Variants in CDH13 observed in about 807,000 individuals in gnomAD.
The protein encoded by CDH13 is cadherin-13.
Under a neutral mutation model 63.8 loss-of-function variants are expected in CDH13, and 24 were observed. That is an observed-to-expected ratio of 0.38 (90% CI 0.27 to 0.53). The LOEUF (loss-of-function observed/expected upper bound fraction) is 0.53. CDH13 is among the 20% of genes least tolerant of loss of function. The pLI, the probability that CDH13 is intolerant of heterozygous loss-of-function variation, is 0.85. For missense variants in CDH13, 1,049 were observed against 903.1 expected, an observed-to-expected ratio of 1.16 and a Z score of -2.07; for synonymous variants, 503 against 355.3, an observed-to-expected ratio of 1.42 and a Z score of -4.67.
chr16:83,390,173 A>C (rs979919945), intron 6 of CDH13, among the ~76,000 whole-genome samples: 14 of 150,578 alleles, frequency 9.3e-5, no homozygotes, highest in Admixed American at 6.6e-4. Flanking sequence ...GAGCTGAGGA[A>C]CTCAGAAACA....
intron 4 of CDH13, among the ~76,000 whole-genome samples, chr16:83,158,546 G>A (rs1049599657): frequency 3.9e-5 from 6 of 152,224 alleles, no homozygotes; most frequent in Non-Finnish European, 7.3e-5. Context: ...AGTGACCAGT[G>A]CTGACTCAGA....
intron 4 of CDH13, among the ~76,000 whole-genome samples, chr16:83,171,856 T>G (rs1410453439): frequency 6.6e-6 from 1 of 152,108 alleles, no homozygotes; most frequent in African/African-American, 2.4e-5. Flanking sequence ...AATTTAATGT[T>G]TACCTTGCCA....
chr16:83,622,918 C>A (rs1229994286), intron 8 of CDH13, among the ~76,000 whole-genome samples: 1 of 152,170 alleles, frequency 6.6e-6, no homozygotes, highest in East Asian at 1.9e-4. Flanking sequence ...GCAGCAAATT[C>A]TTGCTTTCAT....
At position 83,716,509 on chromosome 16, in the gene CDH13, A is replaced by T. The variant is rs141298961; in HGVS notation, c.1539-31599A>T. On this transcript the variant is annotated intron_variant, in intron 10 of 13. Transcript: ENST00000567109. ...TGGCTTTTTTTATGTCTTGAGTCAC[A>T]GTCTTGCTCTGTCACCCAGGCTGGA... is the stretch of plus-strand genomic sequence containing the variant. 2.2e-3 allele frequency among the ~76,000 whole-genome samples: 341 copies of T among 152,172 alleles called. 3 individuals are homozygous for T. Among genetic ancestry groups the T allele is most frequent in the African/African-American group, 7.8e-3 (322 of 41,512 alleles).
intron 10 of CDH13, among the ~76,000 whole-genome samples, chr16:83,708,372 T>C (rs994442234): frequency 1.3e-5 from 2 of 152,208 alleles, no homozygotes; most frequent in Non-Finnish European, 2.9e-5. Flanking sequence ...GGAGGTAGCA[T>C]GGTGGTTCAG....
At chr16:82,751,492 C>T (rs1298102125) in intron 1 of CDH13, among the ~76,000 whole-genome samples, 1 of 152,186 alleles carries the variant, frequency 6.6e-6, no homozygotes, top group Middle Eastern at 3.4e-3. Flanking sequence ...CCTACTACAG[C>T]ACCTCATTGC....
At chr16:82,826,759 G>A (rs2038276095) in intron 1 of CDH13, 2 of 152,198 alleles carry the variant, frequency 1.3e-5, no homozygotes, top group South Asian at 4.1e-4. Context: ...ATTTGCTGGT[G>A]AAACAGTTTG....
chr16:83,550,436 G>T (rs1218275056), intron 7 of CDH13, among the ~76,000 whole-genome samples: 1 of 152,242 alleles, frequency 6.6e-6, no homozygotes. Context: ...AGTGACATTT[G>T]GTGATTGAAT....
At chr16:83,126,795 C>A (rs935568341) in intron 4 of CDH13, among the ~76,000 whole-genome samples, 2 of 152,166 alleles carry the variant, frequency 1.3e-5, no homozygotes, top group South Asian at 4.1e-4. Context: ...ATTAAATACA[C>A]AGTACATGTG....
chr16:83,779,372 A>ACTC (rs1272839122), intron 11 of CDH13, among the ~76,000 whole-genome samples: 2 of 121,840 alleles, frequency 1.6e-5, no homozygotes, highest in African/African-American at 6.3e-5. Flanking sequence ...GCGCCATTGC[A>ACTC]CTCCAGCCCG....
intron 1 of CDH13, among the ~76,000 whole-genome samples, chr16:82,781,383 T>C (rs2035746433): frequency 6.6e-6 from 1 of 152,152 alleles, no homozygotes; most frequent in South Asian, 2.1e-4. Flanking sequence ...GCTTGGTATT[T>C]GAATGCTATC....
At chr16:83,469,734 A>G (rs566381832) in intron 6 of CDH13, among the ~76,000 whole-genome samples, 246 of 152,310 alleles carry the variant, frequency 1.6e-3, no homozygotes, top group Non-Finnish European at 1.2e-3. Context: ...AGGCCCCCAT[A>G]AAGACTGGGG....
chr16:83,197,500 T>A (rs908227917), intron 4 of CDH13, among the ~76,000 whole-genome samples: 7 of 152,184 alleles, frequency 4.6e-5, no homozygotes, highest in African/African-American at 9.7e-5. Flanking sequence ...ATTCATTCTT[T>A]CTAATTTTTT....
At chr16:83,629,945 A>C (rs758918562) in intron 8 of CDH13, among the ~76,000 whole-genome samples, 1 of 152,222 alleles carries the variant, frequency 6.6e-6, no homozygotes, top group Non-Finnish European at 1.5e-5. Flanking sequence ...TTAAAAGTCA[A>C]CGTCAGTAAC....
At chr16:83,085,329 C>G (rs2033519295) in intron 3 of CDH13, among the ~76,000 whole-genome samples, 1 of 152,058 alleles carries the variant, frequency 6.6e-6, no homozygotes, top group African/African-American at 2.4e-5. Flanking sequence ...GATTCAATTA[C>G]CTCCCCTAGG....
intron 1 of CDH13, chr16:82,719,492 G>T (rs767446708): frequency 2.0e-4 from 92 of 454,292 alleles, no homozygotes; most frequent in Admixed American, 8.0e-4. Context: ...TACATGAGAT[G>T]TGAAGGCAGT....
At chr16:83,302,456 G>A (rs936733558) in intron 5 of CDH13, among the ~76,000 whole-genome samples, 1 of 152,164 alleles carries the variant, frequency 6.6e-6, no homozygotes, top group African/African-American at 2.4e-5. Flanking sequence ...TTTATGTCAA[G>A]AAGGCATTTT....
At chr16:82,759,963 A>G (rs369316142) in intron 1 of CDH13, among the ~76,000 whole-genome samples, 37 of 152,290 alleles carry the variant, frequency 2.4e-4, no homozygotes, top group Non-Finnish European at 3.2e-4. Context: ...TCAACAATTT[A>G]TGTCTTCTCA....
At chr16:83,096,458 G>C (rs971898332) in intron 3 of CDH13, among the ~76,000 whole-genome samples, 1 of 152,306 alleles carries the variant, frequency 6.6e-6, no homozygotes, top group Middle Eastern at 3.4e-3. Flanking sequence ...CTGTACCATA[G>C]CTAAAGGATT....
Sources: allele counts gnomAD v4.1 joint callset (sites outside exome capture counted in the v4.1 genomes callset), GRCh38; gene constraint gnomAD v4.1.1; transcripts MANE v1.5; gene names NCBI Gene and HGNC (gene_info 2026-07-23, HGNC 2026-07-21).